Variants in TP63 observed in about 807,000 individuals in gnomAD.
The protein encoded by TP63 is tumor protein 63.
In TP63, 17 loss-of-function variants were observed where a neutral mutation model predicts 82.8. The observed-to-expected ratio is 0.21, with a 90% confidence interval of 0.14 to 0.31. TP63 has a LOEUF of 0.31. Among genes scored for constraint, TP63 ranks in the 10% least tolerant of loss-of-function variants. TP63 has a pLI of 1.00. For synonymous variants in TP63, 330 were observed against 321.7 expected, an observed-to-expected ratio of 1.03 and a Z score of -0.28; for missense variants, 648 against 895.3, an observed-to-expected ratio of 0.72 and a Z score of 3.52.
In TP63 at chr3:189,646,044, G is replaced by A. The variant is rs1397138813; in HGVS notation, c.62+14467G>A. Among the ~76,000 whole-genome samples the A allele has an allele frequency of 6.8e-5, 10 of 147,204 alleles. 1 individual carries two copies. Among genetic ancestry groups the A allele is most frequent in the African/African-American group, 2.5e-4 (10 of 39,328 alleles). On this transcript the variant is annotated intron_variant, in intron 1 of 13. Transcript: ENST00000264731. ...TTAACAAGAACTCAAGGTGATTTGTGAACACATTCAATTTGAGAAGCATGG... is the reference window on the plus strand; with the variant it reads ...TTAACAAGAACTCAAGGTGATTTGTAAACACATTCAATTTGAGAAGCATGG...
At chr3:189,878,955 A>G (rs1348691005) in intron 10 of TP63, among the ~76,000 whole-genome samples, 3 of 150,600 alleles carry the variant, frequency 2.0e-5, no homozygotes, top group Non-Finnish European at 4.4e-5. Context: ...TTTCATAGTT[A>G]TGAAGTTTTC....
intron 1 of TP63, among the ~76,000 whole-genome samples, chr3:189,705,130 C>G (rs747653293): frequency 3.3e-5 from 5 of 152,086 alleles, no homozygotes; most frequent in Non-Finnish European, 7.4e-5. Flanking sequence ...ACTAACAACC[C>G]AGGTTTCTCA....
At chr3:189,622,452 C>G in the TP63 span, among the ~76,000 whole-genome samples, 43,787 of 152,072 alleles carry the variant, frequency 0.29, 7,320 homozygotes, top group Middle Eastern at 0.48. Flanking sequence ...CACCAACTAT[C>G]TCTTCCTGTG....
the TP63 span, among the ~76,000 whole-genome samples, chr3:189,600,002 G>T: frequency 6.6e-6 from 1 of 152,110 alleles, no homozygotes; most frequent in African/African-American, 2.4e-5. Context: ...TTCAAAAATG[G>T]ATACTATACC....
chr3:189,863,832 G>A (rs1379079955), intron 4 of TP63, among the ~76,000 whole-genome samples: 1 of 152,150 alleles, frequency 6.6e-6, no homozygotes, highest in African/African-American at 2.4e-5. Context: ...GCAGAAATCT[G>A]TCTTTGTGGT....
the TP63 span, among the ~76,000 whole-genome samples, chr3:189,620,661 A>G: frequency 5.9e-5 from 9 of 152,176 alleles, no homozygotes; most frequent in African/African-American, 2.2e-4. Flanking sequence ...TCACGCATCA[A>G]AGATGTCCCA....
chr3:189,819,906 A>C (rs1306716704), intron 4 of TP63, among the ~76,000 whole-genome samples: 1 of 151,870 alleles, frequency 6.6e-6, no homozygotes, highest in East Asian at 1.9e-4. Context: ...GCGTGACTCC[A>C]TGCCCAGCTA....
At chr3:189,608,095 ATAAAG>A in the TP63 span, among the ~76,000 whole-genome samples, 1 of 152,204 alleles carries the variant, frequency 6.6e-6, no homozygotes, top group African/African-American at 2.4e-5. Context: ...GCTTTAAAAA[ATAAAG>A]TAATTTATGG....
intron 10 of TP63, among the ~76,000 whole-genome samples, chr3:189,879,065 C>T (rs1232351322): frequency 6.6e-6 from 1 of 152,232 alleles, no homozygotes; most frequent in African/African-American, 2.4e-5. Context: ...TCTCTCACCT[C>T]ATTGCAGAAT....
chr3:189,660,744 C>A lies in TP63; in HGVS notation c.62+29167C>A, dbSNP rs191865860. Among the ~76,000 whole-genome samples, 91 of 151,904 alleles carry A rather than the reference C, an allele frequency of 6.0e-4. No individual in the cohort carries two copies. The East Asian group carries it at 0.016, about 26-fold the overall frequency. On this transcript the variant is annotated intron_variant, in intron 1 of 13. Coordinates refer to ENST00000264731, the MANE Select transcript of TP63 (RefSeq NM_003722.5). ...TTGTGTCATCTATGAATTCCTTCAA[C>A]CGTGTTTTGTAGTTCTCCTTGTAGA...
chr3:189,873,000 G>A lies in TP63; in HGVS notation c.1349+5G>A. On this transcript the variant is annotated splice_donor_5th_base_variant and intron_variant, in intron 10 of 13. Transcript: ENST00000264731. Reference sequence around the variant, plus strand: ...CCAGCACTTACTTCAGAAACAGTGAGTGTATCAACGTGTCATTTTAGGAGG... The same window carrying A: ...CCAGCACTTACTTCAGAAACAGTGAATGTATCAACGTGTCATTTTAGGAGG... 6.2e-7 allele frequency: 1 copy of A among 1,614,152 alleles called. No individual in the cohort carries two copies. The highest frequency in any genetic ancestry group is 8.5e-7 in the Non-Finnish European group (1 of 1,179,984).
At chr3:189,768,103 G>C (rs562823805) in intron 3 of TP63, among the ~76,000 whole-genome samples, 4 of 152,130 alleles carry the variant, frequency 2.6e-5, no homozygotes, top group Non-Finnish European at 5.9e-5. Flanking sequence ...CCCCCCGCGT[G>C]TATGAATAAC....
intron 1 of TP63, among the ~76,000 whole-genome samples, chr3:189,720,431 TG>T (rs1282075520): frequency 1.3e-5 from 2 of 152,202 alleles, no homozygotes; most frequent in Non-Finnish European, 2.9e-5. Flanking sequence ...AAGACCATCC[TG>T]TCTCCAATAA....
chr3:189,739,370 C>T (rs949240576), intron 3 of TP63, among the ~76,000 whole-genome samples: 13 of 152,178 alleles, frequency 8.5e-5, no homozygotes, highest in Non-Finnish European at 1.9e-4. Flanking sequence ...CCCACCTCAG[C>T]CTCCCAAAGT....
intron 4 of TP63, among the ~76,000 whole-genome samples, chr3:189,855,989 A>G (rs914015613): frequency 6.6e-6 from 1 of 151,924 alleles, no homozygotes; most frequent in South Asian, 2.1e-4. Context: ...AATATTTGCT[A>G]TCCACCCAAA....
At chr3:189,621,505 ATAG>A in the TP63 span, among the ~76,000 whole-genome samples, 2 of 151,870 alleles carry the variant, frequency 1.3e-5, no homozygotes, top group Admixed American at 1.3e-4. Context: ...ATGTTACACT[ATAG>A]TATATTTTAT....
At chr3:189,715,690 G>A (rs1718909328) in intron 1 of TP63, among the ~76,000 whole-genome samples, 1 of 152,156 alleles carries the variant, frequency 6.6e-6, no homozygotes, top group South Asian at 2.1e-4. Flanking sequence ...GCCATGTGAA[G>A]AATTTGGATA....
chr3:189,613,897 G>GT, the TP63 span, among the ~76,000 whole-genome samples: 1 of 152,194 alleles, frequency 6.6e-6, no homozygotes, highest in Non-Finnish European at 1.5e-5. Context: ...TGGAACAGCT[G>GT]TATTTTCTCA....
chr3:189,808,346 C>G lies in TP63; in HGVS notation c.399C>G (p.Pro133=), dbSNP rs145730343. 5 of 1,614,232 alleles carry G rather than the reference C, an allele frequency of 3.1e-6. No individual in the cohort carries two copies. In the East Asian group the frequency reaches 6.7e-5, roughly 22 times the overall value. The change falls in exon 4 of 14, where the codon CCC becomes CCG. Residue 133 remains proline, a synonymous_variant. Coordinates refer to ENST00000264731, the MANE Select transcript of TP63 (RefSeq NM_003722.5). ...AGAACGGCTCCTCGTCCACCAGTCCCTATAACACAGACCACGCGCAGAACA... is the reference window on the plus strand; with the variant it reads ...AGAACGGCTCCTCGTCCACCAGTCCGTATAACACAGACCACGCGCAGAACA... ...QIQNGSSSTS[P]YNTDHAQNSV...
Sources: allele counts gnomAD v4.1 joint callset (sites outside exome capture counted in the v4.1 genomes callset), GRCh38; gene constraint gnomAD v4.1.1; transcripts MANE v1.5; gene names NCBI Gene and HGNC (gene_info 2026-07-23, HGNC 2026-07-21).